The following POLQ variants were observed in gnomAD, a reference collection of about 807,000 sequenced individuals.
The protein encoded by POLQ is DNA polymerase theta.
POLQ carries 233 observed loss-of-function variants against 259.2 expected under a neutral mutation model. The ratio of observed to expected loss-of-function variants is 0.90; its 90% CI spans 0.81 to 1.00. The LOEUF is 1.00. Ranked by LOEUF, POLQ falls within the 50% of genes least tolerant of loss-of-function variation. The pLI is 0.00. For missense variants in POLQ, 2,871 were observed against 3,051.6 expected (o/e 0.94, Z 1.39); for synonymous variants, 1,025 against 1,048.8 (o/e 0.98, Z 0.44).
At chr3:121,510,978 A>G (rs578244449) in intron 10 of POLQ, among the ~76,000 whole-genome samples, 2 of 152,308 alleles carry the variant, frequency 1.3e-5, no homozygotes, top group South Asian at 4.1e-4. Flanking sequence ...CCGTAATCCC[A>G]GCACTCTGGG....
At chr3:121,453,241 C>T (rs1188640714) in intron 25 of POLQ, among the ~76,000 whole-genome samples, 1 of 152,128 alleles carries the variant, frequency 6.6e-6, no homozygotes, top group Non-Finnish European at 1.5e-5. Context: ...CCCATCTGTA[C>T]ATCACCATCA....
chr3:121,454,222 C>A (rs2047709240), intron 25 of POLQ, among the ~76,000 whole-genome samples: 1 of 152,100 alleles, frequency 6.6e-6, no homozygotes, highest in African/African-American at 2.4e-5. Flanking sequence ...TAAAAGAGCT[C>A]CTGAAGGAAG....
chr3:121,545,967 C>T lies in POLQ; in HGVS notation c.-90G>A, dbSNP rs1167897339. The T allele has an allele frequency of 6.9e-7, 1 of 1,457,970 alleles. No homozygotes were observed. Among genetic ancestry groups the T allele is most frequent in the Admixed American group, 2.0e-5 (1 of 51,258 alleles). The allele number at this position is 1,457,970 out of a possible 1,614,324, so 90.3% of individuals were successfully genotyped here. A position where few individuals can be genotyped will look rare whatever the true frequency, so the allele number is the denominator to read the frequency against. ...CTGGCCTGGCAACAGCTGCGGACAT[C>T]TTCCCGCCAGTCTTCAAACTCAAAC... is the stretch of plus-strand genomic sequence containing the variant. On this transcript the variant is annotated 5_prime_UTR_variant, in exon 1 of 30. Coordinates refer to ENST00000264233, the MANE Select transcript of POLQ (RefSeq NM_199420.4).
chr3:121,467,016 G>A (rs1057072249), intron 24 of POLQ, among the ~76,000 whole-genome samples: 4 of 152,192 alleles, frequency 2.6e-5, no homozygotes, highest in African/African-American at 9.6e-5. Flanking sequence ...TATGACTAGA[G>A]TATTGAGGAG....
intron 26 of POLQ, among the ~76,000 whole-genome samples, chr3:121,447,623 G>T (rs541533043): frequency 6.6e-6 from 1 of 151,996 alleles, no homozygotes; most frequent in Non-Finnish European, 1.5e-5. Flanking sequence ...GTCTCTCTGC[G>T]TACTTAATAT....
At chr3:121,464,503 C>T (rs2047819911) in intron 24 of POLQ, among the ~76,000 whole-genome samples, 2 of 152,012 alleles carry the variant, frequency 1.3e-5, no homozygotes, top group South Asian at 2.1e-4. Flanking sequence ...TTTAAAAATG[C>T]TCTGATGTTG....
intron 8 of POLQ, among the ~76,000 whole-genome samples, chr3:121,521,029 CTTT>C (rs982024731): frequency 6.6e-6 from 1 of 152,108 alleles, no homozygotes; most frequent in African/African-American, 2.4e-5. Context: ...CAGGTGTTCA[CTTT>C]TTTAGTATGC....
In POLQ at chr3:121,519,905, A is replaced by G. The variant is rs2048325828; in HGVS notation, c.1434T>C (p.Val478=). 1 of 1,607,780 alleles carries G rather than the reference A, an allele frequency of 6.2e-7. No homozygotes were observed. Among genetic ancestry groups the G allele is most frequent in the Admixed American group, 1.7e-5 (1 of 59,964 alleles). The change falls in exon 9 of 30, where the codon GTT becomes GTC. Residue 478 remains valine, a synonymous_variant. Transcript: ENST00000264233. ...PLDILTYKQM[V]GRAGRKGVDT... is the part of the protein sequence containing the mutation. ...CCACTCCTTTCCTGCCAGCACGGCC[A>G]ACCATCTGCTTATAAGTAAGAATAT...
At chr3:121,438,870 G>A (rs913630079) in intron 27 of POLQ, among the ~76,000 whole-genome samples, 1 of 152,162 alleles carries the variant, frequency 6.6e-6, no homozygotes, top group African/African-American at 2.4e-5. Flanking sequence ...AGGCTAGAGA[G>A]TAAAGCAGTA....
At chr3:121,444,436 G>C (rs2047617005) in intron 26 of POLQ, among the ~76,000 whole-genome samples, 1 of 152,048 alleles carries the variant, frequency 6.6e-6, no homozygotes, top group Non-Finnish European at 1.5e-5. Flanking sequence ...TTTGTATGTT[G>C]ATCTTGTATC....
rs77395256 is a variant in POLQ at position 121,535,160 on chromosome 3, C to T, written c.740+1940G>A. On this transcript the variant is annotated intron_variant, in intron 5 of 29. Coordinates refer to ENST00000264233, the MANE Select transcript of POLQ (RefSeq NM_199420.4). ...ACAAGAGAGATGTGTTCAATTCTCC[C>T]TTAACTGAAAAGAATCTATTGAGTA... Among the ~76,000 whole-genome samples, 559 of 152,188 alleles carry T rather than the reference C, an allele frequency of 3.7e-3. 6 individuals are homozygous for T. Among genetic ancestry groups the T allele is most frequent in the African/African-American group, 7.3e-3 (305 of 41,510 alleles).
intron 27 of POLQ, among the ~76,000 whole-genome samples, chr3:121,438,346 T>C (rs918889795): frequency 1.3e-5 from 2 of 152,234 alleles, no homozygotes; most frequent in African/African-American, 2.4e-5. Context: ...CAAACTTATA[T>C]GATTCATTTA....
At chr3:121,520,984 TG>T (rs1359789581) in intron 8 of POLQ, among the ~76,000 whole-genome samples, 6 of 152,210 alleles carry the variant, frequency 3.9e-5, no homozygotes, top group Non-Finnish European at 7.4e-5. Context: ...TTTAAAGGGC[TG>T]GGGTTCTAGT....
chr3:121,514,326 G>A (rs1206332135), intron 9 of POLQ, among the ~76,000 whole-genome samples: 1 of 103,050 alleles, frequency 9.7e-6, no homozygotes, highest in Non-Finnish European at 1.9e-5. Context: ...AAAATTCCGT[G>A]TATTAAAAAA....
At position 121,449,390 on chromosome 3, in the gene POLQ, AT is replaced by A; in HGVS notation, c.7188del (p.Lys2396AsnfsTer32). On this transcript the variant is annotated frameshift_variant, in exon 26 of 30. Coordinates refer to ENST00000264233, the MANE Select transcript of POLQ (RefSeq NM_199420.4). LOFTEE classifies it high-confidence loss of function. ...TTAATGCCCATCTGCTCTCCCAAAG[AT>A]TTAGCTCCCATTCCATAAATGATCC... ...CYGIIYGMGA[K>X]SLGEQMGIKE... The A allele has an allele frequency of 6.2e-7, 1 of 1,604,948 alleles. No individual in the cohort carries two copies. The highest frequency in any genetic ancestry group is 8.5e-7 in the Non-Finnish European group (1 of 1,171,732).
Position 121,452,797 on chromosome 3 carries a change from C to T in POLQ, c.7153-3371G>A, listed in dbSNP as rs144067819. On this transcript the variant is annotated intron_variant, in intron 25 of 29. Transcript: ENST00000264233. ...GGCCTGCCTGTCTCTGTAGGCTCCA[C>T]CTCTGGGGGCAGGGCACAGAAAAAC... 1.1e-4 allele frequency among the ~76,000 whole-genome samples: 16 copies of T among 152,302 alleles called. No individual in the cohort carries two copies. In the East Asian group the frequency reaches 3.1e-3, roughly 29 times the overall value.
chr3:121,484,317 TTTATATAATTCGACTACTA>T (rs2047993347), intron 17 of POLQ, among the ~76,000 whole-genome samples: 1 of 152,182 alleles, frequency 6.6e-6, no homozygotes, highest in South Asian at 2.1e-4. Flanking sequence ...TTCTCCAAAG[TTTATATAATTCGACTACTA>T]TAGATCTCTA....
At chr3:121,521,945 G>A (rs2048339057) in intron 8 of POLQ, 58 bp downstream of exon 8, 3 of 1,170,692 alleles carry the variant, frequency 2.6e-6, no homozygotes, top group Non-Finnish European at 3.6e-6. Flanking sequence ...AAATATAAAA[G>A]TTAAGACAGT....
chr3:121,473,529 C>T, intron 20 of POLQ, 42 bp from the exon 21 acceptor site: 1 of 1,511,256 alleles, frequency 6.6e-7, no homozygotes, highest in Non-Finnish European at 9.1e-7. Flanking sequence ...ATGAAACTTG[C>T]AAGGATTATC....
Sources: gnomAD v4.1 joint callset for allele counts (sites outside exome capture counted in the v4.1 genomes callset) on GRCh38, gnomAD v4.1.1 for gene constraint, MANE v1.5 for transcripts, NCBI Gene and HGNC (gene_info 2026-07-23, HGNC 2026-07-21) for gene names.